ZMIZ1: variants seen among roughly 807,000 people sequenced by gnomAD.
ZMIZ1 encodes the protein zinc finger MIZ domain-containing protein 1.
ZMIZ1 carries 17 observed loss-of-function variants against 113.9 expected under a neutral mutation model. The ratio of observed to expected loss-of-function variants is 0.15; its 90% CI spans 0.10 to 0.22. ZMIZ1 has a LOEUF of 0.22. Among genes scored for constraint, ZMIZ1 ranks in the 10% least tolerant of loss-of-function variants. ZMIZ1 has a pLI of 1.00. For missense variants in ZMIZ1, 1,059 were observed against 1,477.8 expected, an observed-to-expected ratio of 0.72 and a Z score of 4.65; for synonymous variants, 607 against 603.1, an observed-to-expected ratio of 1.01 and a Z score of -0.09.
intron 1 of ZMIZ1, among the ~76,000 whole-genome samples, chr10:79,100,819 A>G (rs1343970964): frequency 6.6e-6 from 1 of 152,120 alleles, no homozygotes; most frequent in Admixed American, 6.5e-5. Context: ...GTGCTGTGGT[A>G]TCTGAAGGGA....
intron 18 of ZMIZ1, among the ~76,000 whole-genome samples, chr10:79,302,719 A>C: frequency 8.6e-6 from 1 of 115,728 alleles, no homozygotes; most frequent in East Asian, 2.9e-4. Context: ...AGAGAGAGAG[A>C]ATGTCGCTCT....
At chr10:79,253,909 C>G (rs1850712490) in intron 7 of ZMIZ1, among the ~76,000 whole-genome samples, 1 of 152,148 alleles carries the variant, frequency 6.6e-6, no homozygotes. Context: ...CACGCACACT[C>G]ACACACACAC....
chr10:79,310,456 G>A (rs1000456652), intron 23 of ZMIZ1, among the ~76,000 whole-genome samples: 14 of 152,184 alleles, frequency 9.2e-5, no homozygotes, highest in African/African-American at 2.2e-4. Flanking sequence ...TGAGCCGCAC[G>A]CCCGCCCAAT....
At chr10:79,269,668 C>T (rs955881660) in intron 7 of ZMIZ1, among the ~76,000 whole-genome samples, 2 of 152,150 alleles carry the variant, frequency 1.3e-5, no homozygotes, top group East Asian at 3.8e-4. Flanking sequence ...CCAGCCTCCC[C>T]CTGCACCCCA....
chr10:79,250,281 CTGTCCT>C, intron 7 of ZMIZ1, among the ~76,000 whole-genome samples: 1 of 152,372 alleles, frequency 6.6e-6, no homozygotes, highest in African/African-American at 2.4e-5. Context: ...GTACTCCTGC[CTGTCCT>C]TGCCCTGTGT....
intron 1 of ZMIZ1, among the ~76,000 whole-genome samples, chr10:79,086,550 G>T (rs1842819241): frequency 6.6e-6 from 1 of 152,108 alleles, no homozygotes; most frequent in South Asian, 2.1e-4. Context: ...GTCTCAGTCT[G>T]TCACCCAGGC....
chr10:79,130,983 G>T (rs1412204783), intron 2 of ZMIZ1, among the ~76,000 whole-genome samples: 2 of 152,076 alleles, frequency 1.3e-5, no homozygotes, highest in Non-Finnish European at 2.9e-5. Context: ...CTAGCATCCC[G>T]CTGCACCCCC....
chr10:79,202,218 AG>A (rs1416887478), intron 5 of ZMIZ1, among the ~76,000 whole-genome samples: 10 of 135,446 alleles, frequency 7.4e-5, no homozygotes, highest in Non-Finnish European at 1.1e-4. Context: ...AAAAAAAGAA[AG>A]AAAGAAAGAA....
At chr10:79,225,727 C>G (rs1340894382) in intron 7 of ZMIZ1, among the ~76,000 whole-genome samples, 1 of 152,150 alleles carries the variant, frequency 6.6e-6, no homozygotes, top group Non-Finnish European at 1.5e-5. Context: ...CCCACTGGGA[C>G]CTGTGACTAC....
intron 11 of ZMIZ1, 30 bp downstream of exon 11, chr10:79,292,386 C>G: frequency 6.3e-7 from 1 of 1,586,376 alleles, no homozygotes; most frequent in South Asian, 1.1e-5. Context: ...CTGGTCCAGC[C>G]TTGCCCAGCC....
intron 4 of ZMIZ1, among the ~76,000 whole-genome samples, chr10:79,175,644 A>C: frequency 7.5e-6 from 1 of 133,986 alleles, no homozygotes; most frequent in Non-Finnish European, 1.5e-5. Flanking sequence ...GTTTTTACAG[A>C]CCCGCATGTA....
intron 23 of ZMIZ1, among the ~76,000 whole-genome samples, chr10:79,309,716 T>C (rs1335624999): frequency 6.6e-6 from 1 of 152,186 alleles, no homozygotes; most frequent in Non-Finnish European, 1.5e-5. Context: ...CCGAGGATGG[T>C]GTGGCTGCAA....
chr10:79,135,221 A>C lies in ZMIZ1; in HGVS notation c.-226-4461A>C, dbSNP rs780894285. ...AACTTGAGGAGGGTCTGAGAAGACC[A>C]GGTCAGGAGGCCAGGCAGTTGAGGT... On this transcript the variant is annotated intron_variant, in intron 2 of 24. Coordinates refer to ENST00000334512, the MANE Select transcript of ZMIZ1 (RefSeq NM_020338.4). 9.3e-4 allele frequency among the ~76,000 whole-genome samples: 141 copies of C among 152,368 alleles called. 2 individuals carry two copies. Among genetic ancestry groups the C allele is most frequent in the Middle Eastern group, 3.4e-3 (1 of 294 alleles).
chr10:79,199,561 AAG>A (rs1451848903), intron 4 of ZMIZ1, among the ~76,000 whole-genome samples: 2 of 152,170 alleles, frequency 1.3e-5, no homozygotes, highest in African/African-American at 4.8e-5. Flanking sequence ...ATGTATCATC[AAG>A]AGGGGGGAAA....
intron 1 of ZMIZ1, among the ~76,000 whole-genome samples, chr10:79,110,957 C>T (rs954714429): frequency 2.6e-5 from 4 of 152,238 alleles, no homozygotes; most frequent in Non-Finnish European, 5.9e-5. Flanking sequence ...CATGCACTCA[C>T]CTGTGCTTCC....
chr10:79,221,363 G>T (rs892600785), intron 7 of ZMIZ1, among the ~76,000 whole-genome samples: 1 of 152,196 alleles, frequency 6.6e-6, no homozygotes, highest in African/African-American at 2.4e-5. Context: ...GGCTCCACGC[G>T]GCCCTGGACG....
At chr10:79,116,854 C>T (rs1031191741) in intron 1 of ZMIZ1, among the ~76,000 whole-genome samples, 1 of 152,254 alleles carries the variant, frequency 6.6e-6, no homozygotes, top group African/African-American at 2.4e-5. Flanking sequence ...TACCGACTGT[C>T]CTGACTTCCA....
At chr10:79,144,198 A>G (rs16936906) in intron 3 of ZMIZ1, among the ~76,000 whole-genome samples, 3,889 of 152,286 alleles carry the variant, frequency 0.026, 136 homozygotes, top group African/African-American at 0.074. Context: ...CTTTGGTGAC[A>G]TCAGGCGGGA....
At chr10:79,285,523 T>A (rs1250568) in intron 8 of ZMIZ1, 1 of 455,894 alleles carries the variant, frequency 2.2e-6, no homozygotes, top group Non-Finnish European at 4.4e-6. Flanking sequence ...TCTCTCACTT[T>A]CTGGGCCCCA....
Sources: gnomAD v4.1 joint callset for allele counts (sites outside exome capture counted in the v4.1 genomes callset) on GRCh38, gnomAD v4.1.1 for gene constraint, MANE v1.5 for transcripts, NCBI Gene and HGNC (gene_info 2026-07-23, HGNC 2026-07-21) for gene names.